The following USP15 variants were observed in gnomAD, a reference collection of about 807,000 sequenced individuals.
USP15 encodes the protein ubiquitin carboxyl-terminal hydrolase 15.
Under a neutral mutation model 127.1 loss-of-function variants are expected in USP15, and 18 were observed. That is an observed-to-expected ratio of 0.14 (90% CI 0.10 to 0.21). The LOEUF (loss-of-function observed/expected upper bound fraction) is 0.21. USP15 is among the 10% of genes least tolerant of loss of function. The probability of loss-of-function intolerance (pLI) is 1.00; values close to 1 mark genes in which losing one functional copy is unlikely to be tolerated. For missense variants in USP15, 805 were observed against 1,159.9 expected (o/e 0.69, Z 4.44); for synonymous variants, 364 against 393.7 (o/e 0.92, Z 0.89).
chr12:62,384,728 T>C (rs1333305362), intron 11 of USP15, among the ~76,000 whole-genome samples: 1 of 151,734 alleles, frequency 6.6e-6, no homozygotes, highest in East Asian at 1.9e-4. Flanking sequence ...TACCTGTAAT[T>C]TTTAGGCATT....
chr12:62,404,358 T>C lies in USP15; in HGVS notation c.2929T>C (p.Cys977Arg), dbSNP rs781607734. ...DNDNDIENEN[C>R]MHTN ...TGACAATGATATAGAAAATGAAAAC[T>C]GTATGCACACTAACTAATGAAAGTC... Residue 977 changes from cysteine to arginine, a missense_variant, in exon 22 of 22, where the codon TGT becomes CGT. Coordinates refer to ENST00000280377, the MANE Select transcript of USP15 (RefSeq NM_001252078.2). 1 of 1,607,638 alleles carries C rather than the reference T, an allele frequency of 6.2e-7. No homozygotes were observed. The highest frequency in any genetic ancestry group is 8.5e-7 in the Non-Finnish European group (1 of 1,176,602).
chr12:62,346,013 A>T (rs1486253707), intron 6 of USP15, among the ~76,000 whole-genome samples: 1 of 152,180 alleles, frequency 6.6e-6, no homozygotes, highest in African/African-American at 2.4e-5. Context: ...GAATCAAACC[A>T]TATCAATAGT....
Position 62,391,240 on chromosome 12 carries a change from G to C in USP15, c.2044G>C (p.Asp682His), listed in dbSNP as rs1410179365. The change falls in exon 16 of 22, where the codon GAT becomes CAT. Residue 682 changes from aspartate (D) to histidine (H), a missense_variant. Transcript: ENST00000280377. ...PSENENSQSE[D>H]SVGGDNDSEN... Reference sequence around the variant, plus strand: ...AGAGAATGAAAACAGTCAGTCTGAAGATTCAGTTGGAGGAGATAATGATTC... The same window carrying C: ...AGAGAATGAAAACAGTCAGTCTGAACATTCAGTTGGAGGAGATAATGATTC... 3.7e-6 allele frequency: 6 copies of C among 1,613,574 alleles called. No homozygotes were observed. The highest frequency in any genetic ancestry group is 2.7e-5 in the African/African-American group (2 of 74,908).
chr12:62,360,904 T>C (rs999286712), intron 8 of USP15, among the ~76,000 whole-genome samples: 3 of 151,864 alleles, frequency 2.0e-5, no homozygotes, highest in African/African-American at 7.3e-5. Context: ...ATCAAAAATA[T>C]ATTCAATCCT....
intron 19 of USP15, 39 bp downstream of exon 19, chr12:62,393,241 T>G: frequency 1.3e-6 from 2 of 1,583,524 alleles, no homozygotes; most frequent in Middle Eastern, 1.7e-4. Flanking sequence ...TGGGCAACTC[T>G]TCTTTCAAAC....
At chr12:62,295,007 A>G (rs2064085808) in intron 2 of USP15, among the ~76,000 whole-genome samples, 1 of 152,200 alleles carries the variant, frequency 6.6e-6, no homozygotes, top group Non-Finnish European at 1.5e-5. Context: ...GGGAAGATGA[A>G]ACCCATGCAG....
At chr12:62,294,529 A>G (rs73135279) in intron 2 of USP15, 4,870 of 374,120 alleles carry the variant, frequency 0.013, 47 homozygotes, top group Non-Finnish European at 0.018. Context: ...ATAAGGTTTT[A>G]TTGTTGTTTA....
intron 1 of USP15, among the ~76,000 whole-genome samples, chr12:62,262,923 G>GA (rs1021351248): frequency 6.6e-6 from 1 of 151,990 alleles, no homozygotes. Flanking sequence ...TCTCTTAAAG[G>GA]AAAAAAACTG....
chr12:62,296,783 A>T (rs938885241), intron 2 of USP15, among the ~76,000 whole-genome samples: 1 of 152,176 alleles, frequency 6.6e-6, no homozygotes, highest in Non-Finnish European at 1.5e-5. Flanking sequence ...CCCTCCTCCA[A>T]GGAGTCTTAG....
At chr12:62,374,740 ACT>A (rs1409020102) in intron 8 of USP15, among the ~76,000 whole-genome samples, 3 of 152,066 alleles carry the variant, frequency 2.0e-5, no homozygotes, top group Non-Finnish European at 4.4e-5. Flanking sequence ...TTTTCAGATA[ACT>A]CTAGAAACAT....
At chr12:62,331,331 G>A (rs2065293723) in intron 6 of USP15, among the ~76,000 whole-genome samples, 2 of 152,102 alleles carry the variant, frequency 1.3e-5, no homozygotes, top group Admixed American at 1.3e-4. Context: ...GTCTGGGTGT[G>A]GCTCATTTCT....
At chr12:62,340,559 C>G (rs2065616000) in intron 6 of USP15, among the ~76,000 whole-genome samples, 1 of 151,726 alleles carries the variant, frequency 6.6e-6, no homozygotes, top group African/African-American at 2.4e-5. Flanking sequence ...ACTGCTTTAG[C>G]AGAATCTCTG....
chr12:62,344,051 C>T (rs564897664), intron 6 of USP15, among the ~76,000 whole-genome samples: 124 of 152,114 alleles, frequency 8.2e-4, no homozygotes, highest in African/African-American at 2.9e-3. Context: ...CCCCTGGCCC[C>T]TCCCAAATCT....
chr12:62,337,372 CCT>C (rs1409697128), intron 6 of USP15, among the ~76,000 whole-genome samples: 1 of 152,128 alleles, frequency 6.6e-6, no homozygotes, highest in Non-Finnish European at 1.5e-5. Context: ...GCTAGCGAGG[CCT>C]CACAATCATG....
chr12:62,358,140 G>A (rs2066195969), intron 8 of USP15, among the ~76,000 whole-genome samples: 1 of 151,510 alleles, frequency 6.6e-6, no homozygotes, highest in Non-Finnish European at 1.5e-5. Flanking sequence ...ACATCAGGTG[G>A]TATAGTATTA....
At chr12:62,402,695 C>T (rs980666334) in intron 21 of USP15, among the ~76,000 whole-genome samples, 4 of 151,968 alleles carry the variant, frequency 2.6e-5, no homozygotes, top group South Asian at 2.1e-4. Context: ...ATAAATTTAG[C>T]GCTTAGATCA....
At chr12:62,371,685 A>G (rs933852924) in intron 8 of USP15, among the ~76,000 whole-genome samples, 1 of 152,146 alleles carries the variant, frequency 6.6e-6, no homozygotes, top group African/African-American at 2.4e-5. Context: ...TTTCCATGTA[A>G]TTATTGCACT....
In USP15 at chr12:62,384,192, T is replaced by C; in HGVS notation, c.1363T>C (p.Ser455Pro). ...AGTTTGTCCTGAGTGTGCTAAGATT[T>C]CAGTAACATTTGATCCTTTTTGTTA... ...TLVCPECAKISVTFDPFCYLT... is the reference protein window; with the variant it reads ...TLVCPECAKIPVTFDPFCYLT... The change falls in exon 11 of 22, where the codon TCA becomes CCA. Residue 455 changes from serine (S) to proline (P), a missense_variant. Coordinates refer to ENST00000280377, the MANE Select transcript of USP15 (RefSeq NM_001252078.2). 6.2e-7 allele frequency: 1 copy of C among 1,613,146 alleles called. No homozygotes were observed. Among genetic ancestry groups the C allele is most frequent in the Non-Finnish European group, 8.5e-7 (1 of 1,179,340 alleles).
chr12:62,416,008 G>C lies in USP15; in HGVS notation c.*11633G>C, dbSNP rs970138462. ...CTTTAGCAAGAGAGCAAAGAGTATG[G>C]TACAGTCAGTCCACCCAGGTTGCCT... On this transcript the variant is annotated 3_prime_UTR_variant, in exon 22 of 22. Transcript: ENST00000280377. 1 of 152,144 alleles carries C rather than the reference G, an allele frequency of 6.6e-6. No individual in the cohort carries two copies. The highest frequency in any genetic ancestry group is 1.5e-5 in the Non-Finnish European group (1 of 68,018). The allele number at this position is 152,144 out of a possible 1,614,324, so 9.4% of individuals were successfully genotyped here.
Sources: allele counts gnomAD v4.1 joint callset (sites outside exome capture counted in the v4.1 genomes callset), GRCh38; gene constraint gnomAD v4.1.1; transcripts MANE v1.5; gene names NCBI Gene and HGNC (gene_info 2026-07-23, HGNC 2026-07-21).